BBS2: variants seen among roughly 807,000 people sequenced by gnomAD.
BBS2 encodes BBSome complex member BBS2.
BBS2 carries 62 observed loss-of-function variants against 83.0 expected under a neutral mutation model. That is an observed-to-expected ratio of 0.75 (90% CI 0.61 to 0.92). The LOEUF is 0.92. Ranked by LOEUF, BBS2 falls within the 40% of genes least tolerant of loss-of-function variation. The probability of loss-of-function intolerance (pLI) is 0.00; values close to 1 mark genes in which losing one functional copy is unlikely to be tolerated. For synonymous variants in BBS2, 303 were observed against 326.1 expected, an observed-to-expected ratio of 0.93 and a Z score of 0.76; for missense variants, 784 against 901.0, an observed-to-expected ratio of 0.87 and a Z score of 1.66.
chr16:56,472,487 T>C (rs766329103), intron 17 of BBS2, among the ~76,000 whole-genome samples: 1 of 152,220 alleles, frequency 6.6e-6, no homozygotes, highest in East Asian at 1.9e-4. Context: ...GCTATAAAGC[T>C]TGGCAAAAGC....
At chr16:56,478,621 G>A (rs2144078681) in intron 17 of BBS2, 1 of 152,296 alleles carries the variant, frequency 6.6e-6, no homozygotes, top group Admixed American at 6.5e-5. Flanking sequence ...TTGGAAAATA[G>A]TTTGAGACTC....
chr16:56,510,182 T>C (rs1250878611), intron 4 of BBS2, 148 bp from the exon 5 acceptor site: 1 of 706,020 alleles, frequency 1.4e-6, no homozygotes, highest in African/African-American at 1.8e-5. Flanking sequence ...TCAGAAATGC[T>C]CCCTCTAATG....
At chr16:56,518,526 T>C (rs1964815768) in intron 1 of BBS2, among the ~76,000 whole-genome samples, 1 of 152,218 alleles carries the variant, frequency 6.6e-6, no homozygotes. Context: ...ACCCCACGTA[T>C]TAGGTACTAT....
At chr16:56,499,742 T>G (rs371487537) in intron 12 of BBS2, 36 bp downstream of exon 12, 1 of 1,613,224 alleles carries the variant, frequency 6.2e-7, no homozygotes, top group African/African-American at 1.3e-5. Context: ...GATTCTACTG[T>G]GTAAAAGCAT....
intron 11 of BBS2, chr16:56,500,189 T>C (rs1964227014): frequency 7.7e-6 from 3 of 387,510 alleles, no homozygotes; most frequent in Non-Finnish European, 1.5e-5. Context: ...AATAGAGCAG[T>C]TTTTCTTCAC....
Position 56,500,564 on chromosome 16 carries a change from G to A in BBS2, c.1397+290C>T, listed in dbSNP as rs1387264872. On this transcript the variant is annotated intron_variant, in intron 11 of 16. Coordinates refer to ENST00000245157, the MANE Select transcript of BBS2 (RefSeq NM_031885.5). ...TGCTTGAACCCAGGAGGTAGAGGTT[G>A]CAGTGAACTGAGATTGCCCCACTGT... 1.1e-5 allele frequency: 4 copies of A among 366,122 alleles called. No homozygotes were observed. In the Admixed American group the frequency reaches 1.7e-4, roughly 15 times the overall value. The allele number at this position is 366,122 out of a possible 1,614,324, so 22.7% of individuals were successfully genotyped here. A position where few individuals can be genotyped will look rare whatever the true frequency, so the allele number is the denominator to read the frequency against.
intron 7 of BBS2, among the ~76,000 whole-genome samples, chr16:56,503,248 T>C (rs1964328745): frequency 6.6e-6 from 1 of 152,198 alleles, no homozygotes; most frequent in South Asian, 2.1e-4. Context: ...AACCAGAACA[T>C]GGAGAAATTA....
rs762062289 is a variant in BBS2, at chr16:56,514,683, G to A, written c.118-3C>T. ...GTATGAGGATTATGAATAAAAACCT[G>A]AAACAAAAATAACTAATTACATTCC... is the stretch of plus-strand genomic sequence containing the variant. On this transcript the variant is annotated splice_region_variant and splice_polypyrimidine_tract_variant and intron_variant, in intron 1 of 16. Transcript: ENST00000245157. 2 of 1,605,874 alleles carry A rather than the reference G, an allele frequency of 1.2e-6. No homozygotes were observed. Among genetic ancestry groups the A allele is most frequent in the South Asian group, 1.1e-5 (1 of 90,566 alleles).
At chr16:56,493,836 C>CA (rs1377516792) in intron 15 of BBS2, among the ~76,000 whole-genome samples, 3 of 152,118 alleles carry the variant, frequency 2.0e-5, no homozygotes, top group Non-Finnish European at 4.4e-5. Context: ...AATTAACACA[C>CA]AAAAAATCTT....
chr16:56,509,672 T>G, intron 5 of BBS2: 1 of 402,596 alleles, frequency 2.5e-6, no homozygotes. Flanking sequence ...ATGATTGCCA[T>G]TATTATTATT....
chr16:56,497,593 C>T, intron 14 of BBS2, 150 bp downstream of exon 14: 2 of 990,272 alleles, frequency 2.0e-6, no homozygotes, highest in Non-Finnish European at 3.1e-6. Context: ...AAGTAGTAAA[C>T]TCTCCAATAC....
intron 12 of BBS2, 118 bp from the exon 13 acceptor site, chr16:56,498,686 T>C (rs1198896781): frequency 6.4e-7 from 1 of 1,574,370 alleles, no homozygotes; most frequent in Non-Finnish European, 8.6e-7. Context: ...TCCTTCTTTC[T>C]AGTTTTACTG....
At chr16:56,496,309 A>G (rs1964115110) in intron 15 of BBS2, among the ~76,000 whole-genome samples, 5 of 152,188 alleles carry the variant, frequency 3.3e-5, no homozygotes, top group Admixed American at 3.3e-4. Context: ...ATTCAGAAAA[A>G]TTCAGAATAT....
intron 15 of BBS2, among the ~76,000 whole-genome samples, chr16:56,495,120 G>A (rs943014397): frequency 1.1e-4 from 16 of 152,120 alleles, no homozygotes; most frequent in Non-Finnish European, 1.9e-4. Flanking sequence ...AGCTGATAAA[G>A]AAACTGTCTT....
In BBS2 at chr16:56,497,846, C is replaced by A; in HGVS notation, c.1694G>T (p.Gly565Val). Residue 565 changes from glycine (G) to valine (V), a missense_variant, in exon 14 of 17, where the codon GGT becomes GTT. By Grantham distance (109) the Gly-to-Val change is moderately radical (BLOSUM62 -3). Transcript: ENST00000245157. ...TGATGCCATTGACTGGATGATATCA[C>A]CAGCCAAATCAATATCATCAGTATT... The part of the protein sequence containing the change: ...TINTDDIDLA[G>V]DIIQSMASFF... 6.2e-7 allele frequency: 1 copy of A among 1,612,096 alleles called. No individual in the cohort carries two copies. The highest frequency in any genetic ancestry group is 1.1e-5 in the South Asian group (1 of 91,066).
chr16:56,489,788 G>A (rs771398226), intron 15 of BBS2, among the ~76,000 whole-genome samples: 3 of 150,028 alleles, frequency 2.0e-5, no homozygotes, highest in Non-Finnish European at 3.0e-5. Context: ...CAACAAGAGC[G>A]AAACTCCATC....
At chr16:56,485,762 ACAT>A in intron 15 of BBS2, 24 bp from the exon 16 acceptor site, 3 of 1,612,726 alleles carry the variant, frequency 1.9e-6, no homozygotes, top group Non-Finnish European at 2.5e-6. Flanking sequence ...TAGAAATTTG[ACAT>A]CATTTCATGT....
At position 56,510,940 on chromosome 16, in the gene BBS2, A is replaced by T. The variant is rs1201018937; in HGVS notation, c.472-19T>A. ...CAGTAACCTGAAAATAAAACCCCAAACCATTAGCATGCCATCGTTTCTCCA... is the reference window on the plus strand; with the variant it reads ...CAGTAACCTGAAAATAAAACCCCAATCCATTAGCATGCCATCGTTTCTCCA... On this transcript the variant is annotated intron_variant, in intron 3 of 16. Coordinates refer to ENST00000245157, the MANE Select transcript of BBS2 (RefSeq NM_031885.5). 1.2e-6 allele frequency: 2 copies of T among 1,613,690 alleles called. No homozygotes were observed. Among genetic ancestry groups the T allele is most frequent in the Non-Finnish European group, 1.7e-6 (2 of 1,179,622 alleles).
Position 56,484,661 on chromosome 16 carries a change from T to C in BBS2, c.*100A>G, listed in dbSNP as rs1329440514. 4 of 928,748 alleles carry C rather than the reference T, an allele frequency of 4.3e-6. No homozygotes were observed. The highest frequency in any genetic ancestry group is 1.6e-5 in the African/African-American group (1 of 61,294). 57.5% of individuals were successfully genotyped at this position (928,748 alleles called of 1,614,324 possible). On this transcript the variant is annotated 3_prime_UTR_variant, in exon 17 of 17. Coordinates refer to ENST00000245157, the MANE Select transcript of BBS2 (RefSeq NM_031885.5). ...CAACTCACCAAGGTTATTTTCATTC[T>C]TAGCACCCGGGGTTCACCAGGGTGT...
Sources: gnomAD v4.1 joint callset for allele counts (sites outside exome capture counted in the v4.1 genomes callset) on GRCh38, gnomAD v4.1.1 for gene constraint, MANE v1.5 for transcripts, NCBI Gene and HGNC (gene_info 2026-07-23, HGNC 2026-07-21) for gene names.